ZNF385D: variants seen among roughly 807,000 people sequenced by gnomAD.
The protein encoded by ZNF385D is zinc finger protein 385D, also known as zinc finger protein 659.
Under a neutral mutation model 35.8 loss-of-function variants are expected in ZNF385D, and 15 were observed. The ratio of observed to expected loss-of-function variants is 0.42; its 90% CI spans 0.28 to 0.64. The LOEUF (loss-of-function observed/expected upper bound fraction) is 0.64, where lower values mean the gene tolerates loss of function less well. ZNF385D is among the 30% of genes least tolerant of loss of function. The pLI is 0.23. For missense variants in ZNF385D, 474 were observed against 494.6 expected, an observed-to-expected ratio of 0.96 and a Z score of 0.39; for synonymous variants, 212 against 186.8, an observed-to-expected ratio of 1.13 and a Z score of -1.10.
chr3:22,183,715 G>A (rs1695438970), intron 2 of ZNF385D, among the ~76,000 whole-genome samples: 1 of 145,244 alleles, frequency 6.9e-6, no homozygotes, highest in Admixed American at 6.7e-5. Flanking sequence ...TTTAAAAATG[G>A]GTTTAGTAGA....
intron 5 of ZNF385D, among the ~76,000 whole-genome samples, chr3:21,431,479 G>A (rs1264093756): frequency 1.3e-5 from 2 of 152,058 alleles, no homozygotes; most frequent in Admixed American, 6.6e-5. Flanking sequence ...TAATATGGTA[G>A]CCATTAGCCA....
intron 3 of ZNF385D, among the ~76,000 whole-genome samples, chr3:21,966,703 T>G (rs975228591): frequency 2.0e-5 from 3 of 152,208 alleles, no homozygotes; most frequent in Non-Finnish European, 2.9e-5. Flanking sequence ...TGCCTCAGCC[T>G]CTGGAATAGC....
chr3:21,694,710 A>T (rs751153582), intron 1 of ZNF385D, among the ~76,000 whole-genome samples: 1 of 152,192 alleles, frequency 6.6e-6, no homozygotes, highest in Non-Finnish European at 1.5e-5. Flanking sequence ...CGAACATGTG[A>T]CAGTGATTAA....
At chr3:22,087,939 C>A (rs549467332) in intron 3 of ZNF385D, among the ~76,000 whole-genome samples, 1 of 152,226 alleles carries the variant, frequency 6.6e-6, no homozygotes, top group East Asian at 1.9e-4. Flanking sequence ...TTCTAATTTT[C>A]TGCCAGTGTC....
At chr3:21,797,454 C>T (rs924866981) in intron 3 of ZNF385D, among the ~76,000 whole-genome samples, 1 of 152,138 alleles carries the variant, frequency 6.6e-6, no homozygotes, top group Non-Finnish European at 1.5e-5. Context: ...TAAACATATT[C>T]TTATTTTATG....
Position 22,144,911 on chromosome 3 carries a change from G to A in ZNF385D, c.325+23906C>T, listed in dbSNP as rs570982735. Among the ~76,000 whole-genome samples the A allele has an allele frequency of 1.1e-4, 16 of 152,114 alleles. No homozygotes were observed. In the South Asian group the frequency reaches 1.7e-3, roughly 16 times the overall value. On this transcript the variant is annotated intron_variant, in intron 3 of 5. Coordinates refer to the ZNF385D transcript ENST00000494108. ...TTATGGTTAAATAAGTTTGCTTGAT[G>A]AAAAACATATAAAATATTTAGACAT...
chr3:22,166,867 G>C (rs1423060515), intron 3 of ZNF385D, among the ~76,000 whole-genome samples: 1 of 152,232 alleles, frequency 6.6e-6, no homozygotes, highest in Non-Finnish European at 1.5e-5. Context: ...TAACGCCAAA[G>C]CTTATGCTAT....
upstream of ZNF385D, among the ~76,000 whole-genome samples, chr3:21,753,887 T>C (rs1428963484): frequency 1.3e-5 from 2 of 152,130 alleles, no homozygotes; most frequent in Non-Finnish European, 2.9e-5. Context: ...TTCCTGTTTC[T>C]ATAGAGTTTG....
At chr3:22,310,197 A>G (rs75751535) in intron 2 of ZNF385D, among the ~76,000 whole-genome samples, 2,764 of 152,124 alleles carry the variant, frequency 0.018, 83 homozygotes, top group African/African-American at 0.061. Context: ...CATTTCCTGG[A>G]TTTGCATTCA....
At chr3:21,520,597 A>C (rs894229032) in intron 3 of ZNF385D, among the ~76,000 whole-genome samples, 7 of 152,218 alleles carry the variant, frequency 4.6e-5, no homozygotes, top group Non-Finnish European at 5.9e-5. Flanking sequence ...TCTGGGAAGA[A>C]GCTTACCATC....
chr3:22,220,116 T>C (rs1158775598), intron 2 of ZNF385D, among the ~76,000 whole-genome samples: 1 of 151,672 alleles, frequency 6.6e-6, no homozygotes, highest in African/African-American at 2.4e-5. Flanking sequence ...CAGGCTGGAT[T>C]GCAGTGGTAG....
intron 2 of ZNF385D, among the ~76,000 whole-genome samples, chr3:22,184,880 T>A (rs760330523): frequency 5.3e-5 from 8 of 152,172 alleles, no homozygotes; most frequent in Non-Finnish European, 8.8e-5. Context: ...TATAGATTTG[T>A]GGCTCCATAG....
chr3:21,869,619 T>C (rs1016805764), intron 3 of ZNF385D, among the ~76,000 whole-genome samples: 6 of 152,156 alleles, frequency 3.9e-5, no homozygotes, highest in Admixed American at 3.3e-4. Context: ...TATTACATGT[T>C]CTAAGTGATG....
chr3:22,235,327 G>T (rs182828230), intron 2 of ZNF385D, among the ~76,000 whole-genome samples: 5 of 152,142 alleles, frequency 3.3e-5, no homozygotes, highest in South Asian at 2.1e-4. Context: ...ACTTTAAAAA[G>T]AAAGTACCTG....
chr3:22,242,547 G>A (rs1699556281), intron 2 of ZNF385D, among the ~76,000 whole-genome samples: 1 of 150,876 alleles, frequency 6.6e-6, no homozygotes, highest in Non-Finnish European at 1.5e-5. Flanking sequence ...ACAACGGATA[G>A]TTTACAAAAC....
chr3:22,145,976 G>A (rs1360855174), intron 3 of ZNF385D, among the ~76,000 whole-genome samples: 2 of 152,128 alleles, frequency 1.3e-5, no homozygotes, highest in East Asian at 1.9e-4. Flanking sequence ...CAGGATTCAA[G>A]CCAATGCATA....
At chr3:22,141,979 A>G (rs1032182988) in intron 3 of ZNF385D, among the ~76,000 whole-genome samples, 20 of 152,178 alleles carry the variant, frequency 1.3e-4, no homozygotes, top group African/African-American at 4.8e-4. Flanking sequence ...ATTTAACCAC[A>G]TGACTTATGG....
intron 3 of ZNF385D, among the ~76,000 whole-genome samples, chr3:22,128,006 C>T (rs1426573014): frequency 1.3e-5 from 2 of 152,150 alleles, no homozygotes; most frequent in South Asian, 4.1e-4. Flanking sequence ...TTTCTCATTG[C>T]TCATTACATC....
At chr3:22,183,062 A>C (rs562241729) in intron 2 of ZNF385D, among the ~76,000 whole-genome samples, 2 of 152,122 alleles carry the variant, frequency 1.3e-5, no homozygotes, top group South Asian at 2.1e-4. Flanking sequence ...AGCCTTAATA[A>C]AAGTCTTAAA....
Sources: allele counts gnomAD v4.1 joint callset (sites outside exome capture counted in the v4.1 genomes callset), GRCh38; gene constraint gnomAD v4.1.1; transcripts MANE v1.5; gene names NCBI Gene and HGNC (gene_info 2026-07-23, HGNC 2026-07-21).